The following DIAPH2 variants were observed in gnomAD, a reference collection of about 807,000 sequenced individuals.
DIAPH2 encodes the protein diaphanous related formin 2.
In DIAPH2, 35 loss-of-function variants were observed where a neutral mutation model predicts 92.7. That is an observed-to-expected ratio of 0.38 (90% CI 0.29 to 0.50). The LOEUF (loss-of-function observed/expected upper bound fraction) is 0.50, where lower values mean the gene tolerates loss of function less well. DIAPH2 is among the 20% of genes least tolerant of loss of function. The pLI, the probability that DIAPH2 is intolerant of heterozygous loss-of-function variation, is 0.94. For synonymous variants in DIAPH2, 301 were observed against 280.4 expected, an observed-to-expected ratio of 1.07 and a Z score of -0.73; for missense variants, 701 against 819.5, an observed-to-expected ratio of 0.86 and a Z score of 1.77.
intron 4 of DIAPH2, among the ~76,000 whole-genome samples, chrX:96,774,745 T>G (rs2064364686): frequency 1.8e-5 from 2 of 112,353 alleles, no homozygotes; most frequent in Admixed American, 1.9e-4. Context: ...CACGCTTGCC[T>G]TTTATAATTA....
rs775008861 is a variant in DIAPH2 at position 97,094,647 on chromosome X, T to C, written c.2248-5047T>C. ...GGAATTTTATATCAAAAGGAGAAGA[T>C]TGTACCATCACCACCTGACAGAAAA... is the stretch of plus-strand genomic sequence containing the variant. On this transcript the variant is annotated intron_variant, in intron 19 of 26. Transcript: ENST00000324765. 2.8e-4 allele frequency among the ~76,000 whole-genome samples: 31 copies of C among 112,095 alleles called. 1 individual carries two copies. The highest frequency in any genetic ancestry group is 4.6e-3 in the Middle Eastern group (1 of 217).
intron 4 of DIAPH2, among the ~76,000 whole-genome samples, chrX:96,829,857 A>G (rs941222768): frequency 1.8e-5 from 2 of 109,258 alleles, no homozygotes; most frequent in Non-Finnish European, 3.8e-5. Flanking sequence ...AGTCAATGAC[A>G]TACCAATATA....
At chrX:96,841,561 C>G (rs1247869820) in intron 4 of DIAPH2, among the ~76,000 whole-genome samples, 1 of 111,509 alleles carries the variant, frequency 9.0e-6, no homozygotes, top group Non-Finnish European at 1.9e-5. Context: ...TCATGTGTTC[C>G]TTTTTGTCTA....
chrX:97,576,152 A>G (rs2071398418), intron 26 of DIAPH2, among the ~76,000 whole-genome samples: 1 of 110,893 alleles, frequency 9.0e-6, no homozygotes, highest in Non-Finnish European at 1.9e-5. Context: ...TGAGCTATTG[A>G]CCATGCACGC....
chrX:97,135,902 C>G (rs1260491633), intron 21 of DIAPH2, among the ~76,000 whole-genome samples: 1 of 111,858 alleles, frequency 8.9e-6, no homozygotes, highest in Non-Finnish European at 1.9e-5. Flanking sequence ...GAAGGAAGAA[C>G]AGTATGCCGA....
chrX:97,476,944 CAAAAAAAAAAAA>C (rs958991841), intron 26 of DIAPH2, among the ~76,000 whole-genome samples: 8 of 13,398 alleles, frequency 6.0e-4, no homozygotes, highest in African/African-American at 3.5e-3. Flanking sequence ...AACTCTGTCT[CAAAAAAAAAAAA>C]AAAAAAAAAA....
intron 3 of DIAPH2, among the ~76,000 whole-genome samples, chrX:96,747,011 A>G (rs969775991): frequency 1.8e-5 from 2 of 111,978 alleles, no homozygotes; most frequent in Non-Finnish European, 3.8e-5. Context: ...ACTCTTCAAT[A>G]TTTTAAGTTG....
At chrX:96,935,707 C>G (rs1401920466) in intron 10 of DIAPH2, among the ~76,000 whole-genome samples, 5 of 111,820 alleles carry the variant, frequency 4.5e-5, no homozygotes, top group Non-Finnish European at 9.4e-5. Flanking sequence ...TAATTAAGAA[C>G]TAAATTGCAC....
At chrX:97,519,280 C>T (rs946563890) in intron 26 of DIAPH2, among the ~76,000 whole-genome samples, 1 of 111,654 alleles carries the variant, frequency 9.0e-6, no homozygotes, top group African/African-American at 3.3e-5. Flanking sequence ...CCTCAGAGAT[C>T]TCTTACTTTT....
intron 25 of DIAPH2, among the ~76,000 whole-genome samples, chrX:97,402,207 C>CGTGT (rs10695870): frequency 0.28 from 27,550 of 99,479 alleles, 2,947 homozygotes; most frequent in East Asian, 0.51. Flanking sequence ...TCATTTGCAT[C>CGTGT]GTGTGTGTGT....
chrX:97,270,175 C>T (rs933671144), intron 23 of DIAPH2, among the ~76,000 whole-genome samples: 4 of 110,730 alleles, frequency 3.6e-5, no homozygotes, highest in East Asian at 2.8e-4. Flanking sequence ...GTGATCTGCC[C>T]GTCTCGGCCT....
At chrX:96,823,175 G>A (rs2064789884) in intron 4 of DIAPH2, among the ~76,000 whole-genome samples, 1 of 111,321 alleles carries the variant, frequency 9.0e-6, no homozygotes, top group Non-Finnish European at 1.9e-5. Flanking sequence ...TTTCTGGAGG[G>A]CAGTTTAGCA....
At chrX:97,522,834 G>C (rs1202135073) in intron 26 of DIAPH2, among the ~76,000 whole-genome samples, 3 of 112,556 alleles carry the variant, frequency 2.7e-5, no homozygotes, top group East Asian at 2.8e-4. Context: ...GGAGAAATAA[G>C]ATACTGTTTG....
intron 17 of DIAPH2, among the ~76,000 whole-genome samples, chrX:97,028,730 C>G (rs2066352356): frequency 8.9e-6 from 1 of 111,960 alleles, no homozygotes. Flanking sequence ...TTGTTTCCAC[C>G]TTTTGGCTAT....
At chrX:97,591,242 T>G (rs912098066) in intron 26 of DIAPH2, among the ~76,000 whole-genome samples, 1 of 112,183 alleles carries the variant, frequency 8.9e-6, no homozygotes, top group Non-Finnish European at 1.9e-5. Context: ...CCAGCTCCTG[T>G]ACTCAAGGGA....
At chrX:96,732,395 G>T (rs1427049097) in intron 1 of DIAPH2, among the ~76,000 whole-genome samples, 1 of 111,437 alleles carries the variant, frequency 9.0e-6, no homozygotes, top group African/African-American at 3.3e-5. Context: ...TTTCCTTTTC[G>T]ATAGACCATA....
chrX:96,718,336 G>GTTTTTTT (rs962776012), intron 1 of DIAPH2, among the ~76,000 whole-genome samples: 3 of 10,993 alleles, frequency 2.7e-4, no homozygotes, highest in African/African-American at 4.6e-4. Context: ...CATTTTCTTT[G>GTTTTTTT]TTTTTTTTTT....
chrX:97,421,712 C>T (rs1305862593), intron 25 of DIAPH2, among the ~76,000 whole-genome samples: 2 of 112,045 alleles, frequency 1.8e-5, no homozygotes, highest in Non-Finnish European at 3.8e-5. Context: ...ATCTGGTCCA[C>T]TTTGCATGCT....
intron 17 of DIAPH2, among the ~76,000 whole-genome samples, chrX:97,006,886 T>C (rs894613536): frequency 9.0e-6 from 1 of 111,080 alleles, no homozygotes; most frequent in African/African-American, 3.3e-5. Flanking sequence ...AGAAGATGAT[T>C]GTCTCTGGTG....
Sources: gnomAD v4.1 joint callset for allele counts (sites outside exome capture counted in the v4.1 genomes callset) on GRCh38, gnomAD v4.1.1 for gene constraint, MANE v1.5 for transcripts, NCBI Gene and HGNC (gene_info 2026-07-23, HGNC 2026-07-21) for gene names.